ATP1B3: variants seen among roughly 807,000 people sequenced by gnomAD.
ATP1B3 encodes ATPase Na+/K+ transporting subunit beta 3, also known as sodium/potassium-transporting ATPase subunit beta-3.
Under a neutral mutation model 30.2 loss-of-function variants are expected in ATP1B3, and 10 were observed. The ratio of observed to expected loss-of-function variants is 0.33; its 90% CI spans 0.20 to 0.56. The LOEUF (loss-of-function observed/expected upper bound fraction) is 0.56. ATP1B3 is among the 20% of genes least tolerant of loss of function. ATP1B3 has a pLI of 0.90. For missense variants in ATP1B3, 238 were observed against 336.7 expected (o/e 0.71, Z 2.29); for synonymous variants, 113 against 117.0 (o/e 0.97, Z 0.22).
chr3:141,911,275 T>C (rs1934354625), intron 3 of ATP1B3, among the ~76,000 whole-genome samples: 1 of 152,146 alleles, frequency 6.6e-6, no homozygotes, highest in African/African-American at 2.4e-5. Context: ...GGGGGTTTAC[T>C]TTAATTTTCA....
chr3:141,904,684 T>G (rs1934230732), intron 2 of ATP1B3, among the ~76,000 whole-genome samples: 1 of 151,186 alleles, frequency 6.6e-6, no homozygotes, highest in South Asian at 2.1e-4. Context: ...ACCTCCTGAT[T>G]TTATTCTTTT....
intron 5 of ATP1B3, chr3:141,921,504 C>A (rs555506795): frequency 6.6e-6 from 1 of 152,292 alleles, no homozygotes; most frequent in Non-Finnish European, 1.5e-5. Context: ...ATGAAACTCA[C>A]ACCTGCTGTC....
chr3:141,876,868 C>T lies in ATP1B3; in HGVS notation c.67C>T (p.Pro23Ser). Residue 23 changes from proline to serine, a missense_variant, in exon 1 of 7, where the codon CCG becomes TCG. This residue lies in a region of ATP1B3 where 130 missense variants were observed against 148.8 expected (regional missense o/e 0.87). Transcript: ENST00000286371. ...LAEWKLFIYN[P>S]TTGEFLGRTA... ...CGAGTGGAAGCTCTTCATCTACAAC[C>T]CGACCACCGGAGAATTCCTGGGGCG... 6.3e-7 allele frequency: 1 copy of T among 1,582,970 alleles called. No homozygotes were observed. Among genetic ancestry groups the T allele is most frequent in the Non-Finnish European group, 8.6e-7 (1 of 1,164,712 alleles).
chr3:141,896,223 CT>C (rs1934062180), intron 1 of ATP1B3, among the ~76,000 whole-genome samples: 1 of 151,736 alleles, frequency 6.6e-6, no homozygotes, highest in African/African-American at 2.4e-5. Flanking sequence ...AATTCTAGTA[CT>C]TTGGGAGGCC....
intron 2 of ATP1B3, among the ~76,000 whole-genome samples, chr3:141,905,952 A>G (rs556174111): frequency 1.3e-5 from 2 of 151,474 alleles, no homozygotes; most frequent in Admixed American, 6.6e-5. Context: ...ACATGTACAT[A>G]TAATACATAT....
At position 141,889,756 on chromosome 3, in the gene ATP1B3, T is replaced by TACACACACACAC. The variant is rs34670135; in HGVS notation, c.109+12875_109+12886dup. Among the ~76,000 whole-genome samples the TACACACACACAC allele has an allele frequency of 3.6e-5, 3 of 84,042 alleles. 1 individual carries two copies. In the East Asian group the frequency reaches 1.2e-3, roughly 33 times the overall value. 55.1% of individuals were successfully genotyped at this position (84,042 alleles called of 152,430 possible). ...AAAAAAAAAAAAAAAAAAAAATATA[T>TACACACACACAC]ACACACACACACACACACACACACA... is the stretch of plus-strand genomic sequence containing the variant. On this transcript the variant is annotated intron_variant, in intron 1 of 6. Transcript: ENST00000286371.
chr3:141,893,020 C>G (rs1248149853), intron 1 of ATP1B3, among the ~76,000 whole-genome samples: 1 of 152,102 alleles, frequency 6.6e-6, no homozygotes, highest in East Asian at 1.9e-4. Context: ...TCCTCTTGGC[C>G]TTAGTTTTTT....
At chr3:141,914,258 C>G (rs1300484976) in intron 4 of ATP1B3, among the ~76,000 whole-genome samples, 1 of 151,916 alleles carries the variant, frequency 6.6e-6, no homozygotes, top group Admixed American at 6.6e-5. Flanking sequence ...TTAACTTTTT[C>G]GAAATAGTAG....
At position 141,903,624 on chromosome 3, in the gene ATP1B3, G is replaced by T; in HGVS notation, c.114G>T (p.Leu38Phe). 2 of 1,613,682 alleles carry T rather than the reference G, an allele frequency of 1.2e-6. No individual in the cohort carries two copies. Among genetic ancestry groups the T allele is most frequent in the South Asian group, 2.2e-5 (2 of 91,032 alleles). ...AAGTTTTATTTTCTTTTACAGGTTT[G>T]ATCTTGCTCTTCTACCTAGTTTTTT... The part of the protein sequence containing the change: ...FLGRTAKSWG[L>F]ILLFYLVFYG... Residue 38 changes from leucine (L) to phenylalanine (F), a missense_variant, in exon 2 of 7, where the codon TTG becomes TTT. Leu to Phe is a conservative substitution (Grantham distance 22, BLOSUM62 0). Around this residue, in one of 3 missense-constraint regions of ATP1B3, gnomAD observed 130 missense variants for 148.8 expected, o/e 0.87. Transcript: ENST00000286371.
Position 141,876,643 on chromosome 3 carries a change from A to C in ATP1B3, c.-159A>C. The stretch of plus-strand genomic sequence containing the variant: ...GCGGCCGCCCGGCGCGGCGCGGCGC[A>C]GTCGGCTCGAGTACTCCCCGTAACG... On this transcript the variant is annotated 5_prime_UTR_variant, in exon 1 of 7. Transcript: ENST00000286371. The C allele has an allele frequency of 2.6e-6, 1 of 389,940 alleles. No individual in the cohort carries two copies. The highest frequency in any genetic ancestry group is 4.6e-6 in the Non-Finnish European group (1 of 215,432). 24.2% of individuals were successfully genotyped at this position (389,940 alleles called of 1,614,324 possible).
intron 6 of ATP1B3, among the ~76,000 whole-genome samples, chr3:141,922,381 G>A (rs572143942): frequency 4.6e-5 from 7 of 152,234 alleles, no homozygotes; most frequent in African/African-American, 9.6e-5. Context: ...GGCCGGGTGC[G>A]GTGGCTTACT....
chr3:141,883,926 G>A (rs1430423762), intron 1 of ATP1B3, among the ~76,000 whole-genome samples: 2 of 152,106 alleles, frequency 1.3e-5, no homozygotes, highest in African/African-American at 4.8e-5. Flanking sequence ...AGACTCAGCT[G>A]GGTTTGTGAC....
At chr3:141,889,756 TAC>T (rs34670135) in intron 1 of ATP1B3, among the ~76,000 whole-genome samples, 13,425 of 83,758 alleles carry the variant, frequency 0.16, 1,400 homozygotes, top group Admixed American at 0.21. Context: ...AAAAAATATA[TAC>T]ACACACACAC....
chr3:141,899,561 C>G (rs1934123914), intron 1 of ATP1B3, among the ~76,000 whole-genome samples: 1 of 152,136 alleles, frequency 6.6e-6, no homozygotes, highest in Non-Finnish European at 1.5e-5. Context: ...ATTATGTGTG[C>G]TGGTGTTGCA....
chr3:141,908,054 T>G (rs1934292978), intron 3 of ATP1B3, among the ~76,000 whole-genome samples: 1 of 149,920 alleles, frequency 6.7e-6, no homozygotes, highest in African/African-American at 2.5e-5. Context: ...ATCTTTTTTT[T>G]TGTGCCAGGC....
At chr3:141,878,538 TTG>T (rs1933651668) in intron 1 of ATP1B3, among the ~76,000 whole-genome samples, 4 of 152,222 alleles carry the variant, frequency 2.6e-5, no homozygotes, top group Admixed American at 2.6e-4. Flanking sequence ...TAACTCCACT[TTG>T]TGTTAGAATG....
At chr3:141,916,612 C>A in intron 5 of ATP1B3, 1 of 1,219,834 alleles carries the variant, frequency 8.2e-7, no homozygotes, top group Non-Finnish European at 1.1e-6. Context: ...CTAAATTTAT[C>A]ATTGTGCTAA....
chr3:141,901,049 C>T (rs1402564422), intron 1 of ATP1B3, among the ~76,000 whole-genome samples: 1 of 152,202 alleles, frequency 6.6e-6, no homozygotes, highest in African/African-American at 2.4e-5. Context: ...TCCCAAAGTG[C>T]TGGGATTACA....
chr3:141,889,204 C>G (rs762332661), intron 1 of ATP1B3, among the ~76,000 whole-genome samples: 4 of 152,226 alleles, frequency 2.6e-5, no homozygotes, highest in Non-Finnish European at 2.9e-5. Context: ...GCCCCTCCCC[C>G]AGCATGTGGG....
Sources: allele counts gnomAD v4.1 joint callset (sites outside exome capture counted in the v4.1 genomes callset), GRCh38; gene constraint gnomAD v4.1.1; regional missense constraint gnomAD v4.1.1; transcripts MANE v1.5; gene names NCBI Gene and HGNC (gene_info 2026-07-23, HGNC 2026-07-21).